Variants in JAKMIP3 observed in about 807,000 individuals in gnomAD.
JAKMIP3 encodes Janus kinase and microtubule interacting protein 3, also known as janus kinase and microtubule-interacting protein 3.
A neutral mutation model predicts 118.5 loss-of-function variants in JAKMIP3; 58 were observed. The ratio of observed to expected loss-of-function variants is 0.49; its 90% CI spans 0.40 to 0.61. JAKMIP3 has a LOEUF of 0.61. JAKMIP3 is among the 20% of genes least tolerant of loss of function. The probability of loss-of-function intolerance (pLI) is 0.00; values close to 1 mark genes in which losing one functional copy is unlikely to be tolerated. For missense variants in JAKMIP3, 950 were observed against 1,109.0 expected (o/e 0.86, Z 2.04); for synonymous variants, 486 against 451.2 (o/e 1.08, Z -0.98).
intron 11 of JAKMIP3, 28 bp from the exon 12 acceptor site, chr10:132,145,079 T>C (rs1471686711): frequency 3.8e-6 from 6 of 1,595,722 alleles, no homozygotes; most frequent in Non-Finnish European, 5.1e-6. Context: ...TAGAGAAAAT[T>C]TGATGTATCT....
intron 6 of JAKMIP3, 39 bp from the exon 7 acceptor site, chr10:132,136,980 C>T: frequency 6.2e-7 from 1 of 1,601,292 alleles, no homozygotes; most frequent in Non-Finnish European, 8.5e-7. Context: ...CAGACCCCTT[C>T]ACTCCCCAAC....
At chr10:132,039,623 G>A (rs933754579) in intron 1 of JAKMIP3, among the ~76,000 whole-genome samples, 1 of 152,162 alleles carries the variant, frequency 6.6e-6, no homozygotes, top group African/African-American at 2.4e-5. Flanking sequence ...GCACATCTGT[G>A]CACTCCAGAG....
At chr10:132,046,608 T>A (rs752496331) in intron 1 of JAKMIP3, among the ~76,000 whole-genome samples, 56 of 152,344 alleles carry the variant, frequency 3.7e-4, no homozygotes, top group Non-Finnish European at 7.2e-4. Flanking sequence ...CGCCACGGCT[T>A]ATTTATCCAT....
At chr10:132,115,059 C>T (rs919705277) in intron 2 of JAKMIP3, among the ~76,000 whole-genome samples, 7 of 152,170 alleles carry the variant, frequency 4.6e-5, no homozygotes, top group African/African-American at 1.2e-4. Context: ...GGGTGAATTA[C>T]GCATGAAGTG....
At chr10:132,119,536 A>G (rs968245527) in intron 3 of JAKMIP3, among the ~76,000 whole-genome samples, 23 of 152,138 alleles carry the variant, frequency 1.5e-4, no homozygotes, top group African/African-American at 5.3e-4. Context: ...CTGTTCTTAC[A>G]AGAGTGGACT....
At chr10:132,114,448 C>T (rs946992979) in intron 2 of JAKMIP3, among the ~76,000 whole-genome samples, 7 of 152,168 alleles carry the variant, frequency 4.6e-5, no homozygotes, top group Non-Finnish European at 7.3e-5. Flanking sequence ...TGGTCTTGAA[C>T]TCCTCAAGCC....
In JAKMIP3 at chr10:132,153,935, G is replaced by A. The variant is rs763473804; in HGVS notation, c.2165G>A (p.Gly722Asp). 3 of 1,613,128 alleles carry A rather than the reference G, an allele frequency of 1.9e-6. No homozygotes were observed. The highest frequency in any genetic ancestry group is 1.7e-5 in the Admixed American group (1 of 60,016). Residue 722 changes from glycine to aspartate, a missense_variant, in exon 19 of 24, where the codon GGC (glycine) becomes GAC (aspartate). Gly to Asp is a moderately conservative substitution (Grantham distance 94). Transcript: ENST00000684848. ...SEKELFSKQK[G>D]YLDEELDYRK... is the part of the protein sequence containing the mutation. ...CAGGAGCTGTTCAGTAAGCAGAAGG[G>A]CTACCTGGACGAGGAGCTGGACTAC... is the stretch of plus-strand genomic sequence containing the variant.
At chr10:132,142,096 G>A (rs1203153724) in intron 11 of JAKMIP3, 48 bp downstream of exon 11, 46 of 1,545,500 alleles carry the variant, frequency 3.0e-5, no homozygotes, top group Non-Finnish European at 3.9e-5. Flanking sequence ...GTGCCTTCCC[G>A]CTTGACCCCG....
chr10:132,088,984 T>C (rs1167949820), intron 1 of JAKMIP3, among the ~76,000 whole-genome samples: 1 of 152,210 alleles, frequency 6.6e-6, no homozygotes, highest in African/African-American at 2.4e-5. Context: ...CCACTGCTTG[T>C]TTTTGTCAGG....
chr10:132,136,448 C>T (rs942794281), intron 6 of JAKMIP3, among the ~76,000 whole-genome samples: 4 of 152,212 alleles, frequency 2.6e-5, no homozygotes, highest in African/African-American at 7.2e-5. Context: ...TGGCACACAG[C>T]GCCAAGCAGG....
At chr10:132,131,617 G>A (rs1315616508) in intron 3 of JAKMIP3, among the ~76,000 whole-genome samples, 2 of 152,048 alleles carry the variant, frequency 1.3e-5, no homozygotes, top group Admixed American at 1.3e-4. Flanking sequence ...AGCAGCTTGG[G>A]TAGGCACAGG....
intron 4 of JAKMIP3, among the ~76,000 whole-genome samples, chr10:132,134,453 G>T (rs1014262077): frequency 6.6e-6 from 1 of 152,326 alleles, no homozygotes; most frequent in South Asian, 2.1e-4. Flanking sequence ...ATCTGAAACC[G>T]GATTCAAATG....
rs60112257 is a variant in JAKMIP3, at chr10:132,039,705, A to G, written c.-138+2967A>G. Among the ~76,000 whole-genome samples, 642 of 152,276 alleles carry G rather than the reference A, an allele frequency of 4.2e-3. 3 individuals carry two copies. Among genetic ancestry groups the G allele is most frequent in the African/African-American group, 0.015 (608 of 41,562 alleles). On this transcript the variant is annotated intron_variant, in intron 1 of 23. Transcript: ENST00000657785. The stretch of plus-strand genomic sequence containing the variant: ...GGTCTGAAAATCTGGCTGGCCCCCG[A>G]TTCCCTACAGCGGCATCCAGCAAAG...
chr10:132,121,508 T>G (rs1011488423), intron 3 of JAKMIP3, among the ~76,000 whole-genome samples: 1 of 152,156 alleles, frequency 6.6e-6, no homozygotes, highest in African/African-American at 2.4e-5. Flanking sequence ...GGTGAGGACG[T>G]AGCGGGTCAG....
At chr10:132,163,916 G>A (rs1160424553) in intron 20 of JAKMIP3, among the ~76,000 whole-genome samples, 1 of 152,238 alleles carries the variant, frequency 6.6e-6, no homozygotes, top group Non-Finnish European at 1.5e-5. Flanking sequence ...GGGACCTCAG[G>A]CCTGTTGGGT....
chr10:132,122,309 C>T lies in JAKMIP3; in HGVS notation c.633+4735C>T, dbSNP rs148951036. Among the ~76,000 whole-genome samples the T allele has an allele frequency of 7.9e-3, 1,203 of 152,210 alleles. 5 individuals are homozygous for T. Among genetic ancestry groups the T allele is most frequent in the African/African-American group, 0.027 (1,105 of 41,494 alleles). On this transcript the variant is annotated intron_variant, in intron 3 of 23. Transcript: ENST00000684848. ...CCTGACTGCCCCCCGGTCGGCTCCC[C>T]GGCTGTCGGGGCCCTGACTGCCACC...
intron 1 of JAKMIP3, among the ~76,000 whole-genome samples, chr10:132,047,826 C>G (rs1278511069): frequency 6.6e-6 from 1 of 150,942 alleles, no homozygotes; most frequent in East Asian, 2.0e-4. Context: ...TGTGTCCCCC[C>G]ACCCCGCCAC....
intron 1 of JAKMIP3, among the ~76,000 whole-genome samples, chr10:132,042,459 C>T (rs1280944113): frequency 6.6e-6 from 1 of 152,134 alleles, no homozygotes; most frequent in Non-Finnish European, 1.5e-5. Flanking sequence ...CTGCCTGCCT[C>T]GATCTCCCAA....
At chr10:132,161,022 TG>T (rs1164641177) in intron 19 of JAKMIP3, among the ~76,000 whole-genome samples, 1 of 50,350 alleles carries the variant, frequency 2.0e-5, no homozygotes, top group Admixed American at 2.3e-4. Context: ...TGTGTGATGC[TG>T]GGGGGGCCTC....
Sources: gnomAD v4.1 joint callset for allele counts (sites outside exome capture counted in the v4.1 genomes callset) on GRCh38, gnomAD v4.1.1 for gene constraint, MANE v1.5 for transcripts, NCBI Gene and HGNC (gene_info 2026-07-23, HGNC 2026-07-21) for gene names.